Variants in ROBO2 observed in about 807,000 individuals in gnomAD.
ROBO2 encodes the protein roundabout homolog 2.
ROBO2 carries 53 observed loss-of-function variants against 160.8 expected under a neutral mutation model. That is an observed-to-expected ratio of 0.33 (90% CI 0.26 to 0.41). The LOEUF (loss-of-function observed/expected upper bound fraction) is 0.41. Among genes scored for constraint, ROBO2 ranks in the 10% least tolerant of loss-of-function variants. The pLI is 1.00. For missense variants in ROBO2, 1,577 were observed against 1,722.4 expected (o/e 0.92, Z 1.49); for synonymous variants, 664 against 611.7 (o/e 1.09, Z -1.26).
At chr3:76,192,530 A>G in intron 2 of ROBO2, among the ~76,000 whole-genome samples, 1 of 95,892 alleles carries the variant, frequency 1.0e-5, no homozygotes, top group South Asian at 3.6e-4. Context: ...TCCACCACAC[A>G]CACACACACA....
At chr3:76,623,766 C>A (rs9309747) in intron 2 of ROBO2, among the ~76,000 whole-genome samples, 2,279 of 152,224 alleles carry the variant, frequency 0.015, 37 homozygotes, top group African/African-American at 0.037. Context: ...TTTTTAGTTT[C>A]ATTATCTCAA....
intron 2 of ROBO2, among the ~76,000 whole-genome samples, chr3:76,441,238 A>T (rs1011422731): frequency 1.3e-5 from 2 of 152,184 alleles, no homozygotes; most frequent in African/African-American, 4.8e-5. Context: ...GAGAAAAGTT[A>T]TCGAAGAGTT....
intron 2 of ROBO2, among the ~76,000 whole-genome samples, chr3:77,467,599 C>CTATG (rs1331141163): frequency 1.3e-5 from 2 of 148,938 alleles, no homozygotes; most frequent in Non-Finnish European, 3.0e-5. Flanking sequence ...ATCTATCTAT[C>CTATG]TATCTATCTA....
chr3:76,412,979 T>G (rs1358689942), intron 2 of ROBO2, among the ~76,000 whole-genome samples: 1 of 152,184 alleles, frequency 6.6e-6, no homozygotes, highest in Non-Finnish European at 1.5e-5. Context: ...TTGCCATACA[T>G]CTGAAATCTA....
chr3:76,972,216 T>G (rs1026463336), intron 2 of ROBO2, among the ~76,000 whole-genome samples: 7 of 152,212 alleles, frequency 4.6e-5, no homozygotes, highest in Admixed American at 4.6e-4. Context: ...AAAAAAATCT[T>G]ACTGCTTGTT....
intron 23 of ROBO2, chr3:77,631,749 T>A (rs886350186): frequency 6.6e-6 from 1 of 152,010 alleles, no homozygotes; most frequent in Non-Finnish European, 1.5e-5. Flanking sequence ...GCAGAAAAAA[T>A]TCATATTAAT....
At chr3:76,325,888 T>C (rs963547845) in intron 2 of ROBO2, among the ~76,000 whole-genome samples, 3 of 151,922 alleles carry the variant, frequency 2.0e-5, no homozygotes, top group African/African-American at 7.3e-5. Context: ...GTTAGGTGGA[T>C]TGAAGTTATC....
intron 2 of ROBO2, among the ~76,000 whole-genome samples, chr3:77,244,921 C>G (rs2089533620): frequency 6.9e-6 from 1 of 145,872 alleles, no homozygotes; most frequent in Non-Finnish European, 1.5e-5. Flanking sequence ...AAAGAAAATC[C>G]CAACTGAAGT....
Position 77,459,840 on chromosome 3 carries a change from G to C in ROBO2, c.389-17574G>C, listed in dbSNP as rs150408396. ...AGGCCAGCATGGTTGGGAAGGAAGG[G>C]AGCAGAAGGGGTAGATACTACGAGA... is the stretch of plus-strand genomic sequence containing the variant. On this transcript the variant is annotated intron_variant, in intron 2 of 25. Transcript: ENST00000461745. 6.4e-3 allele frequency among the ~76,000 whole-genome samples: 968 copies of C among 151,068 alleles called. 3 individuals are homozygous for C. The highest frequency in any genetic ancestry group is 0.011 in the Non-Finnish European group (712 of 67,798).
At chr3:77,384,847 T>A (rs2073932374) in intron 2 of ROBO2, among the ~76,000 whole-genome samples, 1 of 152,196 alleles carries the variant, frequency 6.6e-6, no homozygotes, top group Admixed American at 6.5e-5. Flanking sequence ...ACAGACAAGA[T>A]ACTATAAATT....
intron 2 of ROBO2, among the ~76,000 whole-genome samples, chr3:77,159,298 T>C (rs1467614931): frequency 6.6e-6 from 1 of 152,168 alleles, no homozygotes; most frequent in Non-Finnish European, 1.5e-5. Context: ...CTTTTTCTTT[T>C]AGTTATTCCC....
chr3:76,002,389 A>G (rs1057384828), intron 2 of ROBO2, among the ~76,000 whole-genome samples: 1 of 151,744 alleles, frequency 6.6e-6, no homozygotes, highest in Non-Finnish European at 1.5e-5. Flanking sequence ...TGTGGGAGGG[A>G]CCCGGTGGGA....
chr3:75,910,314 A>G (rs755991305), intron 1 of ROBO2, among the ~76,000 whole-genome samples: 18 of 152,196 alleles, frequency 1.2e-4, no homozygotes, highest in Non-Finnish European at 2.4e-4. Context: ...AGTGTCATCA[A>G]CATTCATTGC....
At chr3:76,256,792 G>C (rs149663926) in intron 2 of ROBO2, among the ~76,000 whole-genome samples, 1 of 152,028 alleles carries the variant, frequency 6.6e-6, no homozygotes, top group African/African-American at 2.4e-5. Flanking sequence ...ATTGGCTCAT[G>C]GTTCTGCAGG....
chr3:76,648,470 G>C lies in ROBO2; in HGVS notation c.110-449544G>C, dbSNP rs183488921. Among the ~76,000 whole-genome samples, 287 of 152,072 alleles carry C rather than the reference G, an allele frequency of 1.9e-3. 1 individual carries two copies. The highest frequency in any genetic ancestry group is 2.9e-3 in the Non-Finnish European group (194 of 67,950). ...AATCTTGGATCAAAGAACATTGAAG[G>C]CTACTACAATGATTATCTAGGGTGG... is the stretch of plus-strand genomic sequence containing the variant. On this transcript the variant is annotated intron_variant, in intron 2 of 26. Transcript: ENST00000487694.
chr3:76,723,746 T>C (rs1304169121), intron 2 of ROBO2, among the ~76,000 whole-genome samples: 1 of 152,210 alleles, frequency 6.6e-6, no homozygotes, highest in Non-Finnish European at 1.5e-5. Flanking sequence ...AAGTCTTGCT[T>C]TCATACTGCT....
intron 2 of ROBO2, among the ~76,000 whole-genome samples, chr3:76,784,880 G>A (rs2062873987): frequency 6.6e-6 from 1 of 151,160 alleles, no homozygotes; most frequent in South Asian, 2.1e-4. Context: ...GGCCTTCTAG[G>A]TATTTCACTT....
At chr3:76,220,190 G>T (rs544471921) in intron 2 of ROBO2, among the ~76,000 whole-genome samples, 3 of 144,856 alleles carry the variant, frequency 2.1e-5, no homozygotes, top group South Asian at 2.3e-4. Flanking sequence ...GGTTGGGGGA[G>T]GGGGGAGGGA....
chr3:76,860,931 A>G (rs910139601), intron 2 of ROBO2, among the ~76,000 whole-genome samples: 2 of 152,114 alleles, frequency 1.3e-5, no homozygotes, highest in African/African-American at 4.8e-5. Flanking sequence ...GTTTGATAAA[A>G]GGAAAGCATG....
Sources: allele counts gnomAD v4.1 joint callset (sites outside exome capture counted in the v4.1 genomes callset), GRCh38; gene constraint gnomAD v4.1.1; transcripts MANE v1.5; gene names NCBI Gene and HGNC (gene_info 2026-07-23, HGNC 2026-07-21).